The following PPTC7 variants were observed in gnomAD, a reference collection of about 807,000 sequenced individuals.
The protein encoded by PPTC7 is protein phosphatase targeting COQ7.
Under a neutral mutation model 30.8 loss-of-function variants are expected in PPTC7, and 6 were observed. The observed-to-expected ratio is 0.19, with a 90% confidence interval of 0.11 to 0.38. The LOEUF (loss-of-function observed/expected upper bound fraction) is 0.38, where lower values mean the gene tolerates loss of function less well. Ranked by LOEUF, PPTC7 falls within the 10% of genes least tolerant of loss-of-function variation. The pLI, the probability that PPTC7 is intolerant of heterozygous loss-of-function variation, is 1.00. For synonymous variants in PPTC7, 163 were observed against 168.1 expected, an observed-to-expected ratio of 0.97 and a Z score of 0.23; for missense variants, 218 against 404.8, an observed-to-expected ratio of 0.54 and a Z score of 3.96.
intron 1 of PPTC7, among the ~76,000 whole-genome samples, chr12:110,582,524 G>A (rs955628171): frequency 1.3e-5 from 2 of 152,202 alleles, no homozygotes; most frequent in Non-Finnish European, 2.9e-5. Flanking sequence ...GAGACCGAGA[G>A]TGTGGCTCTG....
At chr12:110,555,610 G>T (rs779927998) in intron 1 of PPTC7, among the ~76,000 whole-genome samples, 3 of 152,204 alleles carry the variant, frequency 2.0e-5, no homozygotes, top group Non-Finnish European at 4.4e-5. Flanking sequence ...TAGTCCACTC[G>T]CAATCTGCTG....
At chr12:110,550,644 G>GA (rs1434187285) in intron 2 of PPTC7, among the ~76,000 whole-genome samples, 1 of 152,188 alleles carries the variant, frequency 6.6e-6, no homozygotes, top group Non-Finnish European at 1.5e-5. Context: ...AGACTGCTTA[G>GA]AAGGCTGGGT....
At chr12:110,563,592 G>T (rs548531798) in intron 1 of PPTC7, among the ~76,000 whole-genome samples, 75 of 151,526 alleles carry the variant, frequency 4.9e-4, no homozygotes, top group African/African-American at 1.7e-3. Flanking sequence ...GCCAGCCTGG[G>T]CAACAAGAGC....
At chr12:110,558,191 G>T (rs1434929176) in intron 1 of PPTC7, among the ~76,000 whole-genome samples, 1 of 152,234 alleles carries the variant, frequency 6.6e-6, no homozygotes, top group Non-Finnish European at 1.5e-5. Flanking sequence ...TCAGGTGCCA[G>T]CAGGGCATCT....
In PPTC7 at chr12:110,583,198, C is replaced by T; in HGVS notation, c.-167G>A. 4.1e-6 allele frequency: 1 copy of T among 244,470 alleles called. No homozygotes were observed. Among genetic ancestry groups the T allele is most frequent in the Non-Finnish European group, 7.2e-6 (1 of 139,144 alleles). The allele number at this position is 244,470 out of a possible 1,614,324, so 15.1% of individuals were successfully genotyped here. A position where few individuals can be genotyped will look rare whatever the true frequency, so the allele number is the denominator to read the frequency against. On this transcript the variant is annotated 5_prime_UTR_variant, in exon 1 of 6. Coordinates refer to ENST00000354300, the MANE Select transcript of PPTC7 (RefSeq NM_139283.2). ...TGCCCGACGCGCGGGGCCTCGCACG[C>T]GCTCAGCCGCGCGCACCGGAGCCAG...
intron 1 of PPTC7, among the ~76,000 whole-genome samples, chr12:110,561,138 G>T (rs1356768038): frequency 6.6e-6 from 1 of 152,114 alleles, no homozygotes; most frequent in East Asian, 1.9e-4. Context: ...AGTACGACAG[G>T]CATCTTTTCA....
At chr12:110,551,084 T>C (rs1201509174) in intron 2 of PPTC7, among the ~76,000 whole-genome samples, 1 of 152,206 alleles carries the variant, frequency 6.6e-6, no homozygotes, top group Non-Finnish European at 1.5e-5. Context: ...GTCGTTTCTT[T>C]TCACAATGCA....
At chr12:110,546,277 A>T (rs1469224373) in intron 2 of PPTC7, 199 bp from the exon 3 acceptor site, 3 of 581,206 alleles carry the variant, frequency 5.2e-6, no homozygotes, top group South Asian at 4.0e-5. Flanking sequence ...GGAAAGAAAA[A>T]GGATTTGTAT....
At chr12:110,582,572 T>G (rs546981818) in intron 1 of PPTC7, among the ~76,000 whole-genome samples, 1 of 152,278 alleles carries the variant, frequency 6.6e-6, no homozygotes, top group South Asian at 2.1e-4. Context: ...GGTTGTGACC[T>G]TGAGCACACG....
intron 1 of PPTC7, among the ~76,000 whole-genome samples, chr12:110,580,700 C>G (rs976502898): frequency 6.6e-6 from 1 of 151,978 alleles, no homozygotes; most frequent in South Asian, 2.1e-4. Context: ...TAAATACTCC[C>G]CAAATCATCA....
chr12:110,583,022 C>A lies in PPTC7; in HGVS notation c.10G>T (p.Val4Phe). The A allele has an allele frequency of 7.0e-7, 1 of 1,423,852 alleles. No homozygotes were observed. The highest frequency in any genetic ancestry group is 9.1e-7 in the Non-Finnish European group (1 of 1,098,338). The allele number at this position is 1,423,852 out of a possible 1,614,324, so 88.2% of individuals were successfully genotyped here. The stretch of plus-strand genomic sequence containing the variant: ...GCCACCAGCCGCCCGTACGAGAGGA[C>A]CGAGAACATCGCCGCCGCCGCCCCC... Reference protein sequence around the residue: MFSVLSYGRLVARA... With the variant: MFSFLSYGRLVARA... Residue 4 changes from valine to phenylalanine, a missense_variant, in exon 1 of 6, where the codon GTC becomes TTC. By Grantham distance (50) the Val-to-Phe change is conservative. Coordinates refer to ENST00000354300, the MANE Select transcript of PPTC7 (RefSeq NM_139283.2).
intron 3 of PPTC7, among the ~76,000 whole-genome samples, chr12:110,545,153 C>T (rs150960234): frequency 2.3e-4 from 35 of 152,046 alleles, no homozygotes; most frequent in Non-Finnish European, 4.4e-4. Flanking sequence ...AGTGCAGTGG[C>T]GCAATCTCGG....
rs2064654938 is a variant in PPTC7, at chr12:110,583,143, A to T, written c.-112T>A. On this transcript the variant is annotated 5_prime_UTR_variant, in exon 1 of 6. Transcript: ENST00000354300. ...TCGCGCCGCCGCTGGGGCGCTCCTC[A>T]GGGCGGCGCGCAGTGGCCGCCGCCG... The T allele has an allele frequency of 1.3e-6, 1 of 750,034 alleles. No individual in the cohort carries two copies. Among genetic ancestry groups the T allele is most frequent in the Non-Finnish European group, 1.8e-6 (1 of 568,110 alleles). The allele number at this position is 750,034 out of a possible 1,614,324, so 46.5% of individuals were successfully genotyped here.
chr12:110,570,098 G>A (rs2106402), intron 1 of PPTC7, among the ~76,000 whole-genome samples: 25,422 of 151,554 alleles, frequency 0.17, 3,264 homozygotes, highest in African/African-American at 0.36. Flanking sequence ...AAGTAGACAT[G>A]GGAGACTCCA....
chr12:110,571,450 C>G (rs1433676706), intron 1 of PPTC7, among the ~76,000 whole-genome samples: 1 of 151,856 alleles, frequency 6.6e-6, no homozygotes, highest in Non-Finnish European at 1.5e-5. Context: ...AAGAAGATAG[C>G]ATTTCAGTTT....
intron 1 of PPTC7, among the ~76,000 whole-genome samples, chr12:110,567,255 C>A (rs1247283226): frequency 3.9e-5 from 6 of 152,196 alleles, no homozygotes; most frequent in Non-Finnish European, 7.3e-5. Context: ...ACCTATGGAA[C>A]CCCAGCCCTA....
At chr12:110,582,742 C>A (rs1328856842) in intron 1 of PPTC7, 67 bp downstream of exon 1, 18 of 1,340,396 alleles carry the variant, frequency 1.3e-5, no homozygotes, top group Non-Finnish European at 1.7e-5. Flanking sequence ...ACTGGGGAAG[C>A]CCCGCGCGGG....
In PPTC7 at chr12:110,536,917, GACTT is replaced by G; in HGVS notation, c.*116_*119del. The G allele has an allele frequency of 1.4e-6, 1 of 726,944 alleles. No homozygotes were observed. 45.0% of individuals were successfully genotyped at this position (726,944 alleles called of 1,614,324 possible). On this transcript the variant is annotated 3_prime_UTR_variant, in exon 6 of 6. Coordinates refer to ENST00000354300, the MANE Select transcript of PPTC7 (RefSeq NM_139283.2). The stretch of plus-strand genomic sequence containing the variant: ...ACGAGTCTCAAGAAGACAGGCAAAA[GACTT>G]ACATCACTGGCCATTGAGATCAGTG...
chr12:110,549,762 T>C (rs1320303249), intron 2 of PPTC7, among the ~76,000 whole-genome samples: 2 of 152,158 alleles, frequency 1.3e-5, no homozygotes, highest in African/African-American at 2.4e-5. Flanking sequence ...TCAGGATGGT[T>C]ACGTGTTTTG....
Sources: gnomAD v4.1 joint callset for allele counts (sites outside exome capture counted in the v4.1 genomes callset) on GRCh38, gnomAD v4.1.1 for gene constraint, MANE v1.5 for transcripts, NCBI Gene and HGNC (gene_info 2026-07-23, HGNC 2026-07-21) for gene names.